Variants in TAMM41 observed in about 807,000 individuals in gnomAD.
TAMM41 encodes the protein phosphatidate cytidylyltransferase, mitochondrial.
Under a neutral mutation model 44.1 loss-of-function variants are expected in TAMM41, and 36 were observed. The ratio of observed to expected loss-of-function variants is 0.82; its 90% confidence interval spans 0.63 to 1.08. The LOEUF is 1.08. TAMM41 is among the 50% of genes least tolerant of loss of function. The probability of loss-of-function intolerance (pLI) is 0.00; values close to 1 mark genes in which losing one functional copy is unlikely to be tolerated. For synonymous variants in TAMM41, 164 were observed against 153.1 expected, an observed-to-expected ratio of 1.07 and a Z score of -0.53; for missense variants, 417 against 404.3, an observed-to-expected ratio of 1.03 and a Z score of -0.27.
At chr3:11,839,918 AG>A (rs1305977925) in intron 2 of TAMM41, among the ~76,000 whole-genome samples, 2 of 152,160 alleles carry the variant, frequency 1.3e-5, no homozygotes, top group African/African-American at 4.8e-5. Flanking sequence ...TCACTACTGT[AG>A]AACCTAAGGT....
intron 6 of TAMM41, chr3:11,808,154 A>C: frequency 3.1e-6 from 3 of 955,292 alleles, no homozygotes; most frequent in Non-Finnish European, 4.2e-6. Flanking sequence ...CTTCCCCTTA[A>C]AACAAGGGGA....
chr3:11,776,139 G>A, the TAMM41 span, among the ~76,000 whole-genome samples: 9 of 150,290 alleles, frequency 6.0e-5, no homozygotes, highest in South Asian at 4.2e-4. Context: ...TCAGCCTCCC[G>A]AGTAGCTGGG....
chr3:11,812,380 C>T (rs968580135), intron 5 of TAMM41, among the ~76,000 whole-genome samples: 1 of 152,162 alleles, frequency 6.6e-6, no homozygotes, highest in Non-Finnish European at 1.5e-5. Flanking sequence ...CACTGTCCTG[C>T]GAGGATGAGT....
intron 5 of TAMM41, among the ~76,000 whole-genome samples, chr3:11,813,854 G>GTGTA (rs1362978407): frequency 6.9e-6 from 1 of 144,680 alleles, no homozygotes; most frequent in Non-Finnish European, 1.5e-5. Context: ...GTGTGTGTGT[G>GTGTA]TGTATGTATG....
intron 5 of TAMM41, among the ~76,000 whole-genome samples, chr3:11,814,286 A>G (rs554249743): frequency 2.6e-5 from 4 of 152,294 alleles, no homozygotes; most frequent in Admixed American, 2.0e-4. Flanking sequence ...GACAAGAGGA[A>G]CTAAGAGAAA....
At chr3:11,787,138 TG>T (rs1389876271), downstream of TAMM41, among the ~76,000 whole-genome samples, 1 of 152,144 alleles carries the variant, frequency 6.6e-6, no homozygotes, top group Non-Finnish European at 1.5e-5. Context: ...GCGGCTGGGT[TG>T]CAAGCCAAGT....
chr3:11,726,080 G>T, the TAMM41 span, among the ~76,000 whole-genome samples: 1 of 152,226 alleles, frequency 6.6e-6, no homozygotes, highest in South Asian at 2.1e-4. Context: ...AATATCAACG[G>T]CTGCCAATCT....
intron 4 of TAMM41, among the ~76,000 whole-genome samples, chr3:11,818,496 T>C (rs1410778319): frequency 2.0e-5 from 3 of 152,154 alleles, no homozygotes; most frequent in African/African-American, 7.2e-5. Flanking sequence ...AGACCAACAA[T>C]ATGTACTTCA....
the TAMM41 span, among the ~76,000 whole-genome samples, chr3:11,763,792 G>A: frequency 2.6e-5 from 4 of 152,156 alleles, no homozygotes; most frequent in African/African-American, 9.7e-5. Flanking sequence ...GATAAAGGGC[G>A]GAGCCTGTAC....
chr3:11,760,752 G>C, the TAMM41 span, among the ~76,000 whole-genome samples: 1 of 151,858 alleles, frequency 6.6e-6, no homozygotes, highest in African/African-American at 2.4e-5. Context: ...GTAGGGATGG[G>C]GTTTCACCAT....
At chr3:11,792,341 C>G (rs2077499464) in intron 7 of TAMM41, among the ~76,000 whole-genome samples, 1 of 152,068 alleles carries the variant, frequency 6.6e-6, no homozygotes, top group South Asian at 2.1e-4. Context: ...TCCAGGTGGG[C>G]CACAAACTAA....
intron 3 of TAMM41, 153 bp from the exon 4 acceptor site, chr3:11,830,017 T>C: frequency 1.5e-6 from 1 of 651,788 alleles, no homozygotes; most frequent in South Asian, 2.2e-5. Flanking sequence ...CTCTAATAAG[T>C]AATCCCAGAA....
chr3:11,809,431 A>G, intron 6 of TAMM41, 86 bp downstream of exon 6: 1 of 1,504,832 alleles, frequency 6.6e-7, no homozygotes, highest in Non-Finnish European at 9.1e-7. Context: ...CTAAACAAAA[A>G]GGAAGAAATA....
the TAMM41 span, among the ~76,000 whole-genome samples, chr3:11,727,835 G>A: frequency 2.0e-5 from 3 of 147,214 alleles, no homozygotes; most frequent in African/African-American, 7.6e-5. Context: ...TGCCCAGGCT[G>A]GAGTGCAATG....
At chr3:11,742,189 A>G in the TAMM41 span, among the ~76,000 whole-genome samples, 2 of 150,076 alleles carry the variant, frequency 1.3e-5, no homozygotes, top group Non-Finnish European at 2.9e-5. Flanking sequence ...CCATCACCAC[A>G]AAAATCCCTT....
At chr3:11,837,696 C>T (rs956774753) in intron 3 of TAMM41, among the ~76,000 whole-genome samples, 1 of 152,206 alleles carries the variant, frequency 6.6e-6, no homozygotes, top group Non-Finnish European at 1.5e-5. Context: ...TCCCACGACT[C>T]AGGCACTGCC....
the TAMM41 span, among the ~76,000 whole-genome samples, chr3:11,757,767 G>A: frequency 6.6e-6 from 1 of 152,154 alleles, no homozygotes; most frequent in African/African-American, 2.4e-5. Context: ...TCAATCACTG[G>A]CCATGTCACC....
At position 11,809,546 on chromosome 3, in the gene TAMM41, T is replaced by C. The variant is rs757876018; in HGVS notation, c.845A>G (p.Asp282Gly). Residue 282 changes from aspartate to glycine, a missense_variant, in exon 6 of 8, where the codon GAT becomes GGT. Physicochemically the swap from Asp to Gly is moderately conservative, Grantham distance 94. Coordinates refer to ENST00000455809, the MANE Select transcript of TAMM41 (RefSeq NM_001284401.2). ...VEETLFQVAH[D>G]PDCGDVVRLG... ...TCGCACCACATCTCCACAGTCGGGA[T>C]CATGAGCCACTTGGAATAAAGTTTC... 23 of 1,614,140 alleles carry C rather than the reference T, an allele frequency of 1.4e-5. No individual in the cohort carries two copies. Among genetic ancestry groups the C allele is most frequent in the Middle Eastern group, 1.6e-4 (1 of 6,062 alleles).
At chr3:11,843,031 T>C (rs1435526703) in intron 2 of TAMM41, among the ~76,000 whole-genome samples, 1 of 152,212 alleles carries the variant, frequency 6.6e-6, no homozygotes, top group Non-Finnish European at 1.5e-5. Context: ...CAGGAATCCA[T>C]GCAACTTACC....
Sources: gnomAD v4.1 joint callset for allele counts (sites outside exome capture counted in the v4.1 genomes callset) on GRCh38, gnomAD v4.1.1 for gene constraint, MANE v1.5 for transcripts, NCBI Gene and HGNC (gene_info 2026-07-23, HGNC 2026-07-21) for gene names.